CLDN14: variants seen among roughly 807,000 people sequenced by gnomAD.
CLDN14 encodes claudin 14, also known as claudin-14.
Under a neutral mutation model 2.1 loss-of-function variants are expected in CLDN14, and 2 were observed. That is an observed-to-expected ratio of 0.96 (90% CI 0.39 to 3.01). The LOEUF (loss-of-function observed/expected upper bound fraction) is 3.01, where lower values mean the gene tolerates loss of function less well. CLDN14 is among the 30% of genes most tolerant of loss of function. The pLI is 0.09. For missense variants in CLDN14, 298 were observed against 328.0 expected, an observed-to-expected ratio of 0.91 and a Z score of 0.71; for synonymous variants, 136 against 154.4, an observed-to-expected ratio of 0.88 and a Z score of 0.88.
chr21:36,467,531 A>G (rs219759), intron 1 of CLDN14, among the ~76,000 whole-genome samples: 132,103 of 151,884 alleles, frequency 0.87, 57,613 homozygotes, highest in Admixed American at 0.91. Context: ...GGGTGGGACG[A>G]GGCCACCCTA....
intron 1 of CLDN14, among the ~76,000 whole-genome samples, chr21:36,543,522 G>A (rs2087506553): frequency 6.6e-6 from 1 of 152,220 alleles, no homozygotes; most frequent in South Asian, 2.1e-4. Context: ...TAATAAGTAT[G>A]TTATCATTTG....
chr21:36,461,667 C>G lies in CLDN14; in HGVS notation c.29G>C (p.Gly10Ala). 1 of 1,559,946 alleles carries G rather than the reference C, an allele frequency of 6.4e-7. No individual in the cohort carries two copies. The highest frequency in any genetic ancestry group is 1.2e-5 in the South Asian group (1 of 85,102). MASTAVQLL[G>A]FLLSFLGMVG... is the part of the protein sequence containing the mutation. ...CATGCCCAGGAAGCTGAGCAGGAAGCCCAGAAGCTGCACGGCCGTGCTGGC... is the reference window on the plus strand; with the variant it reads ...CATGCCCAGGAAGCTGAGCAGGAAGGCCAGAAGCTGCACGGCCGTGCTGGC... The change falls in exon 2 of 2, where the codon GGC (glycine) becomes GCC (alanine). Residue 10 changes from glycine (G) to alanine (A), a missense_variant. Coordinates refer to ENST00000399135, the MANE Select transcript of CLDN14 (RefSeq NM_001146079.2).
intron 1 of CLDN14, among the ~76,000 whole-genome samples, chr21:36,539,391 G>T (rs964873769): frequency 1.3e-5 from 2 of 150,110 alleles, no homozygotes; most frequent in Non-Finnish European, 3.0e-5. Flanking sequence ...TGTGGAGTGA[G>T]TGTGTGTGGA....
At chr21:36,529,763 C>T (rs1163288539) in intron 1 of CLDN14, among the ~76,000 whole-genome samples, 3 of 152,236 alleles carry the variant, frequency 2.0e-5, no homozygotes, top group South Asian at 4.1e-4. Context: ...GACGTTGTCT[C>T]ATAATCTTTT....
chr21:36,482,186 C>T (rs1473010489), upstream of CLDN14, among the ~76,000 whole-genome samples: 1 of 152,180 alleles, frequency 6.6e-6, no homozygotes, highest in Non-Finnish European at 1.5e-5. Flanking sequence ...AGTAAAACTT[C>T]GAATGCCAAT....
intron 1 of CLDN14, among the ~76,000 whole-genome samples, chr21:36,566,755 T>C (rs1381449721): frequency 6.6e-6 from 1 of 152,180 alleles, no homozygotes; most frequent in Non-Finnish European, 1.5e-5. Context: ...AAAACCTAAA[T>C]GAGGTGGCCC....
intron 2 of CLDN14, among the ~76,000 whole-genome samples, chr21:36,501,786 G>A (rs903441401): frequency 3.3e-5 from 5 of 152,134 alleles, no homozygotes; most frequent in African/African-American, 1.2e-4. Context: ...ACACACCCCA[G>A]GCTCCCAGCC....
intron 1 of CLDN14, among the ~76,000 whole-genome samples, chr21:36,572,714 C>A (rs1222945648): frequency 6.6e-6 from 1 of 152,156 alleles, no homozygotes; most frequent in Non-Finnish European, 1.5e-5. Context: ...GAGTCTGAAA[C>A]TTTGATTTAA....
Position 36,469,781 on chromosome 21 carries a change from ATCTC to A in CLDN14, c.-81-8009_-81-8006del, listed in dbSNP as rs2086687491. On this transcript the variant is annotated intron_variant, in intron 1 of 1. Coordinates refer to ENST00000399135, the MANE Select transcript of CLDN14 (RefSeq NM_001146079.2). Reference sequence around the variant, plus strand: ...AATTAAAACCCTTTCTGGAGGCATTATCTCTCTCATTTCAACTCACCAAATTTCA... The same window carrying A: ...AATTAAAACCCTTTCTGGAGGCATTATCTCATTTCAACTCACCAAATTTCA... 2.6e-5 allele frequency among the ~76,000 whole-genome samples: 4 copies of A among 152,342 alleles called. No homozygotes were observed. The South Asian group carries it at 8.3e-4, about 32-fold the overall frequency.
chr21:36,537,989 ATGTGTG>A (rs34437515), intron 1 of CLDN14, among the ~76,000 whole-genome samples: 9 of 149,074 alleles, frequency 6.0e-5, no homozygotes, highest in East Asian at 3.9e-4. Context: ...TCAAAACAAA[ATGTGTG>A]TGTGTGTGTG....
rs563828438 is a variant in CLDN14, at chr21:36,494,712, A to G, written c.-82+15651T>C. On this transcript the variant is annotated intron_variant, in intron 2 of 2. Transcript: ENST00000342108. ...ATGACCCTGGGATGGCACAGGGACA[A>G]GACAGCATCTATAAGCCAGGGAGGG... Among the ~76,000 whole-genome samples the G allele has an allele frequency of 2.0e-5, 3 of 152,336 alleles. No homozygotes were observed. The East Asian group carries it at 5.8e-4, about 29-fold the overall frequency.
At chr21:36,572,982 T>C (rs1022886762) in intron 1 of CLDN14, among the ~76,000 whole-genome samples, 6 of 152,226 alleles carry the variant, frequency 3.9e-5, no homozygotes, top group Admixed American at 3.9e-4. Flanking sequence ...GTGTCTTCTA[T>C]GTACGTATAG....
intron 2 of CLDN14, among the ~76,000 whole-genome samples, chr21:36,489,905 A>G (rs1408291199): frequency 6.6e-6 from 1 of 152,170 alleles, no homozygotes; most frequent in African/African-American, 2.4e-5. Context: ...CCCTCAAGCC[A>G]TGAGAGGAAG....
chr21:36,553,074 G>A (rs994640683), intron 1 of CLDN14, among the ~76,000 whole-genome samples: 11 of 152,150 alleles, frequency 7.2e-5, no homozygotes, highest in Non-Finnish European at 1.0e-4. Context: ...AGGAGAGTGC[G>A]CAACAGATGG....
intron 1 of CLDN14, among the ~76,000 whole-genome samples, chr21:36,572,160 T>C (rs550997884): frequency 6.3e-4 from 96 of 152,326 alleles, no homozygotes; most frequent in African/African-American, 2.3e-3. Flanking sequence ...CTGGGCTTGT[T>C]ATCCAAGGCT....
chr21:36,488,523 G>A lies in CLDN14; in HGVS notation c.-82+21840C>T, dbSNP rs1324094406. Among the ~76,000 whole-genome samples, 4 of 152,056 alleles carry A rather than the reference G, an allele frequency of 2.6e-5. No individual in the cohort carries two copies. The East Asian group carries it at 7.8e-4, about 30-fold the overall frequency. ...TTGATCTCGTGATCCACCCTCCTCG[G>A]CCTCCCAAAGTGCTGGGATTACAGG... On this transcript the variant is annotated intron_variant, in intron 2 of 2. Transcript: ENST00000342108.
intron 2 of CLDN14, among the ~76,000 whole-genome samples, chr21:36,506,545 C>A (rs7275699): frequency 0.044 from 6,671 of 149,954 alleles, 412 homozygotes; most frequent in African/African-American, 0.14. Context: ...TGCAGTGAGC[C>A]GAGATCGGGC....
intron 2 of CLDN14, among the ~76,000 whole-genome samples, chr21:36,503,469 G>A (rs550668100): frequency 4.3e-4 from 66 of 152,276 alleles, no homozygotes; most frequent in South Asian, 8.3e-4. Context: ...CGTTGTTCTC[G>A]TGACAGAGAT....
chr21:36,540,377 A>G (rs565912237), intron 1 of CLDN14, among the ~76,000 whole-genome samples: 1 of 152,268 alleles, frequency 6.6e-6, no homozygotes, highest in African/African-American at 2.4e-5. Flanking sequence ...TTGTTGTGTT[A>G]TTAATTTTTC....
Sources: gnomAD v4.1 joint callset for allele counts (sites outside exome capture counted in the v4.1 genomes callset) on GRCh38, gnomAD v4.1.1 for gene constraint, MANE v1.5 for transcripts, NCBI Gene and HGNC (gene_info 2026-07-23, HGNC 2026-07-21) for gene names.